GRIP1: variants seen among roughly 807,000 people sequenced by gnomAD.
GRIP1 encodes glutamate receptor interacting protein 1, also known as glutamate receptor-interacting protein 1.
In GRIP1, 45 loss-of-function variants were observed where a neutral mutation model predicts 129.9. The observed-to-expected ratio is 0.35, with a 90% CI of 0.27 to 0.44. The LOEUF is 0.44. GRIP1 is among the 20% of genes least tolerant of loss of function. The pLI is 1.00. For missense variants in GRIP1, 1,196 were observed against 1,396.8 expected, an observed-to-expected ratio of 0.86 and a Z score of 2.29; for synonymous variants, 530 against 520.8, an observed-to-expected ratio of 1.02 and a Z score of -0.24.
At chr12:66,628,306 T>C (rs913928729) in intron 1 of GRIP1, among the ~76,000 whole-genome samples, 10 of 152,144 alleles carry the variant, frequency 6.6e-5, no homozygotes, top group African/African-American at 1.2e-4. Flanking sequence ...ATGCCTTCAA[T>C]AAAAATTCCT....
rs2059663526 is a variant in GRIP1 at position 66,477,722 on chromosome 12, C to T, written c.725-12300G>A. On this transcript the variant is annotated intron_variant, in intron 7 of 24. Transcript: ENST00000359742. The stretch of plus-strand genomic sequence containing the variant: ...CAGAATAGAGCCCTCAGAAATAATA[C>T]CACACATCTACAACCATCTGATCTT... Among the ~76,000 whole-genome samples the T allele has an allele frequency of 3.9e-5, 6 of 152,062 alleles. No homozygotes were observed. In the South Asian group the frequency reaches 1.2e-3, roughly 31 times the overall value.
chr12:66,577,599 G>A (rs2063186371), intron 2 of GRIP1, among the ~76,000 whole-genome samples: 1 of 152,126 alleles, frequency 6.6e-6, no homozygotes, highest in African/African-American at 2.4e-5. Flanking sequence ...ACAAACATGG[G>A]TTGCACTCTG....
chr12:66,843,289 T>C (rs1269143813), intron 1 of GRIP1, among the ~76,000 whole-genome samples: 1 of 152,054 alleles, frequency 6.6e-6, no homozygotes, highest in Non-Finnish European at 1.5e-5. Flanking sequence ...CAGAAGAAAT[T>C]AAAGAAGACA....
intron 1 of GRIP1, among the ~76,000 whole-genome samples, chr12:66,943,908 A>G (rs2041626788): frequency 6.6e-6 from 1 of 152,174 alleles, no homozygotes; most frequent in Non-Finnish European, 1.5e-5. Flanking sequence ...TAACATTCTC[A>G]TAGGTTAAGT....
intron 19 of GRIP1, among the ~76,000 whole-genome samples, chr12:66,381,232 A>G (rs2056094874): frequency 6.6e-6 from 1 of 152,246 alleles, no homozygotes; most frequent in Admixed American, 6.5e-5. Flanking sequence ...GGAAATATTT[A>G]CAGTTCAATG....
At chr12:66,915,401 C>T (rs2041103940) in intron 1 of GRIP1, among the ~76,000 whole-genome samples, 1 of 152,170 alleles carries the variant, frequency 6.6e-6, no homozygotes, top group African/African-American at 2.4e-5. Context: ...CAGACAAAGC[C>T]ATCTGGAGAT....
intron 1 of GRIP1, among the ~76,000 whole-genome samples, chr12:66,620,114 G>T (rs1565916147): frequency 6.6e-6 from 1 of 152,192 alleles, no homozygotes; most frequent in Non-Finnish European, 1.5e-5. Flanking sequence ...GTAGAAAGTA[G>T]TGGAGCAGAG....
intron 1 of GRIP1, among the ~76,000 whole-genome samples, chr12:66,909,527 G>T (rs1261340106): frequency 6.6e-6 from 1 of 152,240 alleles, no homozygotes; most frequent in Non-Finnish European, 1.5e-5. Context: ...CACGTGGTCA[G>T]TTTAAGGCTT....
chr12:66,737,198 G>T (rs2036631990), intron 1 of GRIP1, among the ~76,000 whole-genome samples: 1 of 152,142 alleles, frequency 6.6e-6, no homozygotes, highest in Admixed American at 6.5e-5. Context: ...GCAGTTCACT[G>T]TGACTGACTC....
intron 13 of GRIP1, among the ~76,000 whole-genome samples, chr12:66,435,555 GGA>G (rs1481611124): frequency 6.6e-6 from 1 of 152,088 alleles, no homozygotes; most frequent in African/African-American, 2.4e-5. Context: ...AAAGGGGAGG[GGA>G]GCATACACAT....
intron 1 of GRIP1, among the ~76,000 whole-genome samples, chr12:66,719,378 C>T (rs1019992841): frequency 2.6e-5 from 4 of 152,054 alleles, no homozygotes; most frequent in African/African-American, 7.2e-5. Flanking sequence ...ATCTTCCATC[C>T]CTCCTCAGGG....
intron 1 of GRIP1, among the ~76,000 whole-genome samples, chr12:66,974,063 T>A (rs1012028561): frequency 6.6e-6 from 1 of 151,834 alleles, no homozygotes; most frequent in African/African-American, 2.4e-5. Context: ...AGGTGGGGAT[T>A]ACAGGCGCCT....
At chr12:66,778,023 T>C (rs932758975) in intron 1 of GRIP1, among the ~76,000 whole-genome samples, 5 of 152,090 alleles carry the variant, frequency 3.3e-5, no homozygotes, top group African/African-American at 7.2e-5. Flanking sequence ...CACACCAAAT[T>C]TTGAAGAATA....
intron 13 of GRIP1, among the ~76,000 whole-genome samples, chr12:66,436,590 CAT>C (rs1225125208): frequency 3.9e-5 from 6 of 152,078 alleles, no homozygotes; most frequent in Admixed American, 1.3e-4. Flanking sequence ...AAAATTTAAA[CAT>C]ATTTATTAGC....
At chr12:66,386,623 G>A (rs530258783) in intron 19 of GRIP1, among the ~76,000 whole-genome samples, 1 of 152,152 alleles carries the variant, frequency 6.6e-6, no homozygotes, top group East Asian at 1.9e-4. Flanking sequence ...GACAGAGCGA[G>A]CCTCCGTCTC....
chr12:66,766,253 A>G (rs927362324), intron 1 of GRIP1, among the ~76,000 whole-genome samples: 2 of 152,100 alleles, frequency 1.3e-5, no homozygotes, highest in African/African-American at 4.8e-5. Context: ...AATGGTAGAG[A>G]TATCTGGGGA....
chr12:66,622,020 A>G (rs565270939), intron 1 of GRIP1, among the ~76,000 whole-genome samples: 1 of 152,262 alleles, frequency 6.6e-6, no homozygotes, highest in Non-Finnish European at 1.5e-5. Context: ...TGATCTGCAA[A>G]TATTTTCTCC....
intron 7 of GRIP1, among the ~76,000 whole-genome samples, chr12:66,511,259 C>A: frequency 6.6e-6 from 1 of 152,146 alleles, no homozygotes; most frequent in South Asian, 2.1e-4. Context: ...GTGAAGCCTC[C>A]CCAGCCATGT....
At chr12:67,065,026 G>A (rs1478066505) in intron 1 of GRIP1, 1 of 150,744 alleles carries the variant, frequency 6.6e-6, no homozygotes, top group East Asian at 2.0e-4. Context: ...TCTTGCGATA[G>A]TTTACTGAGA....
Sources: gnomAD v4.1 joint callset for allele counts (sites outside exome capture counted in the v4.1 genomes callset) on GRCh38, gnomAD v4.1.1 for gene constraint, MANE v1.5 for transcripts, NCBI Gene and HGNC (gene_info 2026-07-23, HGNC 2026-07-21) for gene names.